ZNF469: variants seen among roughly 807,000 people sequenced by gnomAD.
The protein encoded by ZNF469 is zinc finger protein 469.
In ZNF469, 1 loss-of-function variant was observed where a neutral mutation model predicts 1.0. That is an observed-to-expected ratio of 1.00 (90% confidence interval 0.35 to 4.73). The LOEUF is 4.73. ZNF469 is among the 30% of genes most tolerant of loss of function. The probability of loss-of-function intolerance (pLI) is 0.16; values close to 1 mark genes in which losing one functional copy is unlikely to be tolerated. For synonymous variants in ZNF469, 2,703 were observed against 2,363.4 expected (o/e 1.14, Z -4.17); for missense variants, 6,100 against 5,356.3 (o/e 1.14, Z -4.33).
the ZNF469 span, among the ~76,000 whole-genome samples, chr16:88,155,037 G>A: frequency 6.6e-6 from 1 of 152,206 alleles, no homozygotes; most frequent in Non-Finnish European, 1.5e-5. Flanking sequence ...GGTCCAGGTG[G>A]GGCTGGAGAT....
the ZNF469 span, among the ~76,000 whole-genome samples, chr16:88,302,739 G>C: frequency 1.5e-4 from 23 of 152,288 alleles, no homozygotes; most frequent in East Asian, 4.4e-3. Context: ...GTCCCTGCTG[G>C]CTGCTCTGTA....
In ZNF469 at chr16:88,432,815, C is replaced by T. The variant is rs946453796; in HGVS notation, c.5345C>T (p.Thr1782Ile). The T allele has an allele frequency of 1.9e-5, 29 of 1,550,260 alleles. No homozygotes were observed. Among genetic ancestry groups the T allele is most frequent in the African/African-American group, 2.7e-5 (2 of 73,060 alleles). Residue 1782 changes from threonine to isoleucine, a missense_variant, in exon 3 of 3, where the codon ACA becomes ATA. Thr to Ile is a moderately conservative substitution (Grantham distance 89, BLOSUM62 -1). Transcript: ENST00000565624. ...GGAGGGTTCCTCCCAGAGCCCGGCA[C>T]AGCAGACCAGCCCCACCGAGGGGCC... is the stretch of plus-strand genomic sequence containing the variant. ...QRGGFLPEPG[T>I]ADQPHRGAPA...
chr16:88,325,940 G>C, the ZNF469 span, among the ~76,000 whole-genome samples: 10 of 152,352 alleles, frequency 6.6e-5, no homozygotes, highest in African/African-American at 2.4e-4. Context: ...TGTACACTGT[G>C]AGCAATAGAG....
the ZNF469 span, among the ~76,000 whole-genome samples, chr16:88,315,659 G>A: frequency 2.6e-5 from 4 of 152,174 alleles, no homozygotes; most frequent in Admixed American, 1.3e-4. Flanking sequence ...GTGCACATCC[G>A]TGCGTCTGCC....
At chr16:88,410,314 C>G (rs1348094321) in intron 1 of ZNF469, among the ~76,000 whole-genome samples, 1 of 145,708 alleles carries the variant, frequency 6.9e-6, no homozygotes, top group Non-Finnish European at 1.5e-5. Context: ...CACACAGTGA[C>G]ATCTATGGTG....
the ZNF469 span, among the ~76,000 whole-genome samples, chr16:88,318,810 G>A: frequency 2.6e-5 from 4 of 152,240 alleles, no homozygotes; most frequent in African/African-American, 4.8e-5. Context: ...GCCAAATCCC[G>A]AACAGCGCGT....
intron 1 of ZNF469, among the ~76,000 whole-genome samples, chr16:88,385,044 C>T (rs114510448): frequency 1.3e-5 from 2 of 152,168 alleles, no homozygotes; most frequent in African/African-American, 2.4e-5. Flanking sequence ...TAGGGATGGT[C>T]TCCCCCTGTA....
At chr16:88,315,361 G>A in the ZNF469 span, among the ~76,000 whole-genome samples, 1 of 152,228 alleles carries the variant, frequency 6.6e-6, no homozygotes, top group East Asian at 1.9e-4. Context: ...GGCCACACAT[G>A]CACACAGACC....
the ZNF469 span, among the ~76,000 whole-genome samples, chr16:88,215,473 T>G: frequency 2.1e-4 from 27 of 128,222 alleles, no homozygotes; most frequent in African/African-American, 7.2e-4. Context: ...TGTTGCAACC[T>G]CCGCCTCCAG....
chr16:88,351,459 C>T, the ZNF469 span, among the ~76,000 whole-genome samples: 1 of 152,196 alleles, frequency 6.6e-6, no homozygotes, highest in Non-Finnish European at 1.5e-5. Context: ...CCGCCCTGGG[C>T]CTGTGGGATT....
chr16:88,273,202 T>C, the ZNF469 span, among the ~76,000 whole-genome samples: 1 of 151,940 alleles, frequency 6.6e-6, no homozygotes, highest in Admixed American at 6.6e-5. Flanking sequence ...GATGCATGAA[T>C]GAAGTTGCCA....
At chr16:88,137,740 G>A in the ZNF469 span, among the ~76,000 whole-genome samples, 1 of 152,218 alleles carries the variant, frequency 6.6e-6, no homozygotes, top group African/African-American at 2.4e-5. Context: ...ACAGCCAAGG[G>A]GTTATTGTAG....
chr16:88,260,496 G>A, the ZNF469 span, among the ~76,000 whole-genome samples: 29 of 152,320 alleles, frequency 1.9e-4, no homozygotes, highest in East Asian at 1.2e-3. This position sits in a 1 kb window ranked among gnomAD's most constrained non-coding sequence, Gnocchi z 4.1. Context: ...GTGCACACAC[G>A]TGTCCCTTGT....
chr16:88,172,349 C>A, the ZNF469 span, among the ~76,000 whole-genome samples: 1 of 152,100 alleles, frequency 6.6e-6, no homozygotes, highest in Non-Finnish European at 1.5e-5. Flanking sequence ...TCCCACCAGC[C>A]AGGATGGAAA....
chr16:88,386,893 C>T (rs1041987264), intron 1 of ZNF469, among the ~76,000 whole-genome samples: 1 of 152,198 alleles, frequency 6.6e-6, no homozygotes, highest in African/African-American at 2.4e-5. Context: ...GCCACTCCCT[C>T]CCCGTGCTCA....
chr16:88,322,869 C>T, the ZNF469 span, among the ~76,000 whole-genome samples: 184 of 152,276 alleles, frequency 1.2e-3, 1 homozygote, highest in East Asian at 0.017. Context: ...GCCCAGGAGA[C>T]TTTGGGCAGG....
chr16:88,110,948 C>T, the ZNF469 span, among the ~76,000 whole-genome samples: 1 of 152,248 alleles, frequency 6.6e-6, no homozygotes, highest in Non-Finnish European at 1.5e-5. Context: ...CCAGCAATGG[C>T]ACAGTGTCCG....
chr16:88,264,071 C>A, the ZNF469 span, among the ~76,000 whole-genome samples: 1 of 152,058 alleles, frequency 6.6e-6, no homozygotes, highest in Non-Finnish European at 1.5e-5. Context: ...CCCTGGGAGA[C>A]TTACTCCCCA....
At chr16:88,415,476 G>A (rs1017223809) in intron 1 of ZNF469, among the ~76,000 whole-genome samples, 6 of 152,246 alleles carry the variant, frequency 3.9e-5, no homozygotes, top group African/African-American at 1.4e-4. Flanking sequence ...GCAGTGCTGT[G>A]CCCATTTTAC....
Sources: allele counts gnomAD v4.1 joint callset (sites outside exome capture counted in the v4.1 genomes callset), GRCh38; gene constraint gnomAD v4.1.1; non-coding constraint Gnocchi (gnomAD v3.1); transcripts MANE v1.5; gene names NCBI Gene and HGNC (gene_info 2026-07-23, HGNC 2026-07-21).